SYT16: variants seen among roughly 807,000 people sequenced by gnomAD.
The protein encoded by SYT16 is synaptotagmin 16, also known as synaptotagmin-16.
In SYT16, 42 loss-of-function variants were observed where a neutral mutation model predicts 61.4. The ratio of observed to expected loss-of-function variants is 0.68; its 90% CI spans 0.53 to 0.89. SYT16 has a LOEUF of 0.89. Among genes scored for constraint, SYT16 ranks in the 40% least tolerant of loss-of-function variants. The pLI, the probability that SYT16 is intolerant of heterozygous loss-of-function variation, is 0.00. For synonymous variants in SYT16, 314 were observed against 302.3 expected, an observed-to-expected ratio of 1.04 and a Z score of -0.40; for missense variants, 804 against 807.3, an observed-to-expected ratio of 1.00 and a Z score of 0.05.
At chr14:61,906,734 CA>C (rs1328304010) in intron 1 of SYT16, among the ~76,000 whole-genome samples, 6 of 121,416 alleles carry the variant, frequency 4.9e-5, no homozygotes, top group East Asian at 2.5e-4. Context: ...TCCATCCATC[CA>C]TCCATCCATC....
At chr14:62,050,489 G>A (rs529460575) in intron 3 of SYT16, among the ~76,000 whole-genome samples, 42 of 152,218 alleles carry the variant, frequency 2.8e-4, no homozygotes, top group South Asian at 1.7e-3. Context: ...GTTATTCTCC[G>A]TCCAGCTTTG....
Position 62,108,329 on chromosome 14 carries a change from T to A in SYT16, c.*7622T>A, listed in dbSNP as rs1347331992. 6.6e-6 allele frequency: 1 copy of A among 152,212 alleles called. No homozygotes were observed. The highest frequency in any genetic ancestry group is 1.9e-4 in the East Asian group (1 of 5,198). The allele number at this position is 152,212 out of a possible 1,614,324, so 9.4% of individuals were successfully genotyped here. ...AAGCAAGTTTTTCGTGTTGCCCAGT[T>A]GATAGTCCATAATAAAAAATGTACA... On this transcript the variant is annotated 3_prime_UTR_variant, in exon 8 of 8. Coordinates refer to ENST00000683842, the MANE Select transcript of SYT16 (RefSeq NM_001367656.1).
chr14:61,864,660 GC>G (rs2047078846), intron 1 of SYT16, among the ~76,000 whole-genome samples: 1 of 152,256 alleles, frequency 6.6e-6, no homozygotes, highest in African/African-American at 2.4e-5. Context: ...GTACTCTCAG[GC>G]CCTTTTATGC....
At chr14:61,818,661 C>T (rs2052650807) in intron 1 of SYT16, among the ~76,000 whole-genome samples, 1 of 135,722 alleles carries the variant, frequency 7.4e-6, no homozygotes, top group Non-Finnish European at 1.5e-5. Context: ...CTGGGAGACA[C>T]AGTGAGACTC....
intron 3 of SYT16, among the ~76,000 whole-genome samples, chr14:62,020,387 T>C (rs574555703): frequency 6.6e-6 from 1 of 152,240 alleles, no homozygotes; most frequent in African/African-American, 2.4e-5. Context: ...GGAAAGCACA[T>C]GTGATCCTAC....
At chr14:61,873,838 T>TA (rs2047405129) in intron 1 of SYT16, among the ~76,000 whole-genome samples, 1 of 152,232 alleles carries the variant, frequency 6.6e-6, no homozygotes, top group Non-Finnish European at 1.5e-5. Context: ...TAGGAAACCA[T>TA]AACTGATGGC....
intron 3 of SYT16, among the ~76,000 whole-genome samples, chr14:62,050,585 T>TC (rs1355638098): frequency 6.6e-6 from 1 of 152,158 alleles, no homozygotes; most frequent in Non-Finnish European, 1.5e-5. Context: ...GCTCCGTTTT[T>TC]CCCCCATCTT....
intron 1 of SYT16, among the ~76,000 whole-genome samples, chr14:61,928,321 AAGT>A (rs2049618561): frequency 6.6e-6 from 1 of 152,194 alleles, no homozygotes; most frequent in Non-Finnish European, 1.5e-5. Flanking sequence ...TACTTAAAGA[AAGT>A]AGGTGCTAGA....
chr14:61,970,356 T>C (rs1338813507), intron 2 of SYT16, 45 bp downstream of exon 2: 1 of 152,282 alleles, frequency 6.6e-6, no homozygotes, highest in Admixed American at 6.5e-5. Context: ...CAACTTGCTG[T>C]GGTCTGGGTC....
intron 1 of SYT16, among the ~76,000 whole-genome samples, chr14:61,957,551 A>G (rs1038028897): frequency 1.3e-5 from 2 of 152,012 alleles, no homozygotes; most frequent in Non-Finnish European, 1.5e-5. Context: ...TTCTGCATCT[A>G]TTGAGATGAT....
At chr14:61,886,003 C>T (rs1451502991) in intron 1 of SYT16, among the ~76,000 whole-genome samples, 2 of 145,962 alleles carry the variant, frequency 1.4e-5, no homozygotes, top group Non-Finnish European at 1.5e-5. Context: ...CTTGCTCTGT[C>T]GCCCAGGCTG....
chr14:61,813,676 G>A (rs1566602098), intron 1 of SYT16, among the ~76,000 whole-genome samples: 2 of 152,130 alleles, frequency 1.3e-5, no homozygotes, highest in African/African-American at 4.8e-5. Flanking sequence ...CGAGGCGGGA[G>A]GATCACTTGA....
At chr14:61,888,444 T>G (rs2047998232) in intron 1 of SYT16, among the ~76,000 whole-genome samples, 4 of 152,138 alleles carry the variant, frequency 2.6e-5, no homozygotes, top group African/African-American at 9.7e-5. Flanking sequence ...AATAATGTTG[T>G]GTCTCAGGGA....
At chr14:61,858,661 G>A (rs969154097) in intron 1 of SYT16, among the ~76,000 whole-genome samples, 5 of 152,056 alleles carry the variant, frequency 3.3e-5, no homozygotes, top group South Asian at 2.1e-4. Context: ...AAATTAGTAC[G>A]TGAACTTGTG....
At chr14:62,072,346 A>G (rs780935373) in intron 4 of SYT16, among the ~76,000 whole-genome samples, 1 of 152,202 alleles carries the variant, frequency 6.6e-6, no homozygotes, top group Non-Finnish European at 1.5e-5. Flanking sequence ...ATGTACATAC[A>G]AAATGTACAT....
intron 1 of SYT16, among the ~76,000 whole-genome samples, chr14:61,907,973 G>C (rs2048789317): frequency 6.6e-6 from 1 of 152,248 alleles, no homozygotes; most frequent in Admixed American, 6.5e-5. Flanking sequence ...GAGAGACTTT[G>C]TGTGTGTTTA....
intron 1 of SYT16, among the ~76,000 whole-genome samples, chr14:61,923,759 A>G (rs2049428673): frequency 6.6e-6 from 1 of 152,050 alleles, no homozygotes; most frequent in Non-Finnish European, 1.5e-5. Flanking sequence ...TTAATTATCT[A>G]GTATTTGGTT....
chr14:61,871,049 A>G (rs1308565075), intron 1 of SYT16, among the ~76,000 whole-genome samples: 6 of 152,074 alleles, frequency 3.9e-5, no homozygotes, highest in African/African-American at 9.7e-5. Context: ...ATTTTTGGCT[A>G]TGTTCTGGAA....
rs537564198 is a variant in SYT16, at chr14:61,907,300, G to C, written c.-324-62832G>C. Reference sequence around the variant, plus strand: ...GAGTGAGACATGTATATTAACTAGAGATGACGTTCTTATGAGTGATTATTA... The same window carrying C: ...GAGTGAGACATGTATATTAACTAGACATGACGTTCTTATGAGTGATTATTA... On this transcript the variant is annotated intron_variant, in intron 1 of 7. Transcript: ENST00000683842. 3.9e-5 allele frequency among the ~76,000 whole-genome samples: 6 copies of C among 152,312 alleles called. No homozygotes were observed. In the South Asian group the frequency reaches 1.2e-3, roughly 32 times the overall value.
Sources: allele counts gnomAD v4.1 joint callset (sites outside exome capture counted in the v4.1 genomes callset), GRCh38; gene constraint gnomAD v4.1.1; transcripts MANE v1.5; gene names NCBI Gene and HGNC (gene_info 2026-07-23, HGNC 2026-07-21).